ALDH8A1: variants seen among roughly 807,000 people sequenced by gnomAD.
ALDH8A1 encodes the protein 2-aminomuconic semialdehyde dehydrogenase.
Under a neutral mutation model 43.3 loss-of-function variants are expected in ALDH8A1, and 39 were observed. The ratio of observed to expected loss-of-function variants is 0.90; its 90% CI spans 0.70 to 1.18. The LOEUF is 1.18. ALDH8A1 is among the 50% of genes most tolerant of loss of function. The pLI, the probability that ALDH8A1 is intolerant of heterozygous loss-of-function variation, is 0.00. For synonymous variants in ALDH8A1, 233 were observed against 243.5 expected (o/e 0.96, Z 0.40); for missense variants, 605 against 622.6 (o/e 0.97, Z 0.30).
At chr6:134,935,357 G>C (rs6569982) in intron 4 of ALDH8A1, among the ~76,000 whole-genome samples, 101,531 of 152,056 alleles carry the variant, frequency 0.67, 34,207 homozygotes, top group East Asian at 0.75. Flanking sequence ...AAATTTGAGG[G>C]AAAGTGAGAT....
chr6:134,923,976 T>C lies in ALDH8A1; in HGVS notation c.1011+5078A>G, dbSNP rs551167533. Among the ~76,000 whole-genome samples the C allele has an allele frequency of 6.6e-5, 10 of 152,232 alleles. 1 individual carries two copies. In the South Asian group the frequency reaches 2.1e-3, roughly 32 times the overall value. ...AGAATCTTCTTCCTGGGAGTCACTG[T>C]GGTCAAGCCTGGCAAAGTAGTCGAG... On this transcript the variant is annotated intron_variant, in intron 6 of 6. Coordinates refer to ENST00000265605, the MANE Select transcript of ALDH8A1 (RefSeq NM_022568.4).
intron 3 of ALDH8A1, chr6:134,940,354 G>A (rs912730192): frequency 1.2e-4 from 23 of 192,060 alleles, no homozygotes; most frequent in African/African-American, 5.4e-4. Flanking sequence ...TATTTTAACG[G>A]TCTGGCTGTT....
intron 6 of ALDH8A1, among the ~76,000 whole-genome samples, chr6:134,926,075 T>TA (rs1776877821): frequency 6.6e-6 from 1 of 152,034 alleles, no homozygotes. Context: ...GGACTGTGAG[T>TA]AACATGGGGT....
chr6:134,927,619 G>C (rs1776907597), intron 6 of ALDH8A1, among the ~76,000 whole-genome samples: 1 of 151,952 alleles, frequency 6.6e-6, no homozygotes, highest in Non-Finnish European at 1.5e-5. Context: ...AACTAAAATA[G>C]TTATTATGGC....
chr6:134,918,169 A>G lies in ALDH8A1; in HGVS notation c.*246T>C. The G allele has an allele frequency of 2.0e-6, 1 of 508,254 alleles. No individual in the cohort carries two copies. Among genetic ancestry groups the G allele is most frequent in the East Asian group, 3.2e-5 (1 of 31,622 alleles). The allele number at this position is 508,254 out of a possible 1,614,324, so 31.5% of individuals were successfully genotyped here. ...CACTATGAAAACATAACCTGGGAGG[A>G]GCCTGACAACTGGCATCATTGTTCT... On this transcript the variant is annotated 3_prime_UTR_variant, in exon 7 of 7. Transcript: ENST00000265605.
At chr6:134,945,307 G>A (rs551156328) in intron 1 of ALDH8A1, among the ~76,000 whole-genome samples, 21 of 152,292 alleles carry the variant, frequency 1.4e-4, no homozygotes, top group African/African-American at 5.1e-4. Context: ...CCAGATTTTG[G>A]TGGTTCCCAG....
intron 6 of ALDH8A1, among the ~76,000 whole-genome samples, chr6:134,926,761 A>ACCT (rs1776889799): frequency 6.6e-6 from 1 of 151,902 alleles, no homozygotes; most frequent in African/African-American, 2.4e-5. Flanking sequence ...GTGAGCCAAG[A>ACCT]CCACGCCATT....
rs142071162 is a variant in ALDH8A1, at chr6:134,918,619, C to T, written c.1260G>A (p.Ala420=). 2.3e-4 allele frequency: 376 copies of T among 1,614,180 alleles called. No individual in the cohort carries two copies. The highest frequency in any genetic ancestry group is 2.3e-4 in the Admixed American group (14 of 60,024). ...ERANNVKYGL[A]ATVWSSNVGR... ...CCACATTGCTGGACCACACGGTAGC[C>T]GCCAGCCCATACTTAACGTTGTTGG... is the stretch of plus-strand genomic sequence containing the variant. The change falls in exon 7 of 7, where the codon GCG becomes GCA. Residue 420 remains alanine (A), a synonymous_variant. Coordinates refer to ENST00000265605, the MANE Select transcript of ALDH8A1 (RefSeq NM_022568.4).
chr6:134,926,233 G>A, intron 6 of ALDH8A1, among the ~76,000 whole-genome samples: 1 of 123,840 alleles, frequency 8.1e-6, no homozygotes, highest in Admixed American at 9.7e-5. Context: ...TTTTGAGACA[G>A]CGTCTCATTC....
intron 5 of ALDH8A1, among the ~76,000 whole-genome samples, chr6:134,932,263 A>G (rs1191196512): frequency 6.6e-6 from 1 of 152,224 alleles, no homozygotes; most frequent in Non-Finnish European, 1.5e-5. Context: ...TCTGTTATGT[A>G]ATTTCAGGAG....
chr6:134,948,720 T>C (rs985050288), intron 1 of ALDH8A1, among the ~76,000 whole-genome samples: 17 of 152,196 alleles, frequency 1.1e-4, no homozygotes, highest in Admixed American at 7.9e-4. Flanking sequence ...ATTTGGAAGT[T>C]GGATTGCTGA....
At chr6:134,946,762 A>ACACAGGTACGCATGTGTGCGCGCGTG in intron 1 of ALDH8A1, among the ~76,000 whole-genome samples, 1 of 77,674 alleles carries the variant, frequency 1.3e-5, no homozygotes, top group East Asian at 3.2e-4. Flanking sequence ...TGTGCTATGC[A>ACACAGGTACGCATGTGTGCGCGCGTG]CACAGGTGCG....
intron 4 of ALDH8A1, among the ~76,000 whole-genome samples, chr6:134,936,054 C>T (rs1482222068): frequency 3.3e-5 from 5 of 151,912 alleles, no homozygotes; most frequent in South Asian, 2.1e-4. Context: ...TAGGTTCAAG[C>T]GATTTTCCCA....
intron 3 of ALDH8A1, chr6:134,942,199 G>T: frequency 2.0e-6 from 1 of 494,594 alleles, no homozygotes; most frequent in Non-Finnish European, 3.2e-6. Context: ...CAGCCTGGGC[G>T]ACAGAGCAAG....
rs76281123 is a variant in ALDH8A1, at chr6:134,927,622, A to C, written c.1011+1432T>G. ...CTCTCACTGGGTAACTAAAATAGTT[A>C]TTATGGCAGCGACTAAAATAGAAAA... On this transcript the variant is annotated intron_variant, in intron 6 of 6. Transcript: ENST00000265605. 1.2e-3 allele frequency among the ~76,000 whole-genome samples: 188 copies of C among 152,302 alleles called. 3 individuals are homozygous for C. In the East Asian group the frequency reaches 0.034, roughly 28 times the overall value.
intron 4 of ALDH8A1, 50 bp downstream of exon 4, chr6:134,939,216 T>C (rs754445747): frequency 1.2e-6 from 2 of 1,601,854 alleles, no homozygotes; most frequent in Admixed American, 1.7e-5. Flanking sequence ...CTATAAACTA[T>C]AGGTTTGCTC....
At chr6:134,937,951 G>C (rs565341932) in intron 4 of ALDH8A1, among the ~76,000 whole-genome samples, 21 of 152,236 alleles carry the variant, frequency 1.4e-4, no homozygotes, top group African/African-American at 5.1e-4. Context: ...CCCTGGGATC[G>C]TAAGGCCCAG....
At chr6:134,937,155 C>T (rs1347072913) in intron 4 of ALDH8A1, among the ~76,000 whole-genome samples, 1 of 152,126 alleles carries the variant, frequency 6.6e-6, no homozygotes, top group African/African-American at 2.4e-5. Context: ...TCCAGGAATC[C>T]CACAGAAGTA....
chr6:134,938,793 G>T (rs1160223936), intron 4 of ALDH8A1, among the ~76,000 whole-genome samples: 3 of 151,888 alleles, frequency 2.0e-5, no homozygotes, highest in Non-Finnish European at 4.4e-5. Flanking sequence ...GACTACAGGC[G>T]CCCGCCACCA....
Sources: allele counts gnomAD v4.1 joint callset (sites outside exome capture counted in the v4.1 genomes callset), GRCh38; gene constraint gnomAD v4.1.1; transcripts MANE v1.5; gene names NCBI Gene and HGNC (gene_info 2026-07-23, HGNC 2026-07-21).